The following POFUT3 variants were observed in gnomAD, a reference collection of about 807,000 sequenced individuals.
The protein encoded by POFUT3 is protein O-fucosyltransferase 3.
At chr8:33,389,709 A>C in the POFUT3 span, 17 of 1,614,134 alleles carry the variant, frequency 1.1e-5, no homozygotes, top group Admixed American at 1.0e-4. Flanking sequence ...AAGAGCTTAT[A>C]ATTGTTTTTC....
chr8:33,464,739 C>T, the POFUT3 span, among the ~76,000 whole-genome samples: 1 of 152,060 alleles, frequency 6.6e-6, no homozygotes. Context: ...GTGATTGTGC[C>T]ACTGCACTTA....
the POFUT3 span, among the ~76,000 whole-genome samples, chr8:33,395,064 C>A: frequency 1.3e-5 from 2 of 152,172 alleles, no homozygotes; most frequent in Admixed American, 6.5e-5. Flanking sequence ...CCCTGGACAA[C>A]TGGCTTGCAA....
the POFUT3 span, among the ~76,000 whole-genome samples, chr8:33,330,568 G>A: frequency 1.3e-5 from 2 of 152,150 alleles, no homozygotes; most frequent in Non-Finnish European, 2.9e-5. Flanking sequence ...TTAAATGCTT[G>A]TTGGCCTGAT....
chr8:33,388,394 T>C, the POFUT3 span, among the ~76,000 whole-genome samples: 1 of 147,486 alleles, frequency 6.8e-6, no homozygotes, highest in Non-Finnish European at 1.5e-5. Context: ...TGTAGTATTG[T>C]GGCATGATCT....
the POFUT3 span, among the ~76,000 whole-genome samples, chr8:33,376,240 A>G: frequency 6.6e-6 from 1 of 152,188 alleles, no homozygotes; most frequent in East Asian, 1.9e-4. Context: ...CTTAATGGGA[A>G]GACAATCCAT....
the POFUT3 span, among the ~76,000 whole-genome samples, chr8:33,420,435 C>T: frequency 2.0e-5 from 3 of 152,198 alleles, no homozygotes; most frequent in Middle Eastern, 6.8e-3. Context: ...TAATTAAACA[C>T]GAATGAGAAG....
the POFUT3 span, among the ~76,000 whole-genome samples, chr8:33,450,738 T>C: frequency 6.6e-6 from 1 of 152,152 alleles, no homozygotes; most frequent in Non-Finnish European, 1.5e-5. Context: ...ATCTGAGGTA[T>C]AGAAGGTCAA....
chr8:33,389,446 A>G, the POFUT3 span: 6 of 1,614,096 alleles, frequency 3.7e-6, no homozygotes, highest in Middle Eastern at 1.6e-4. Flanking sequence ...AACATTCACC[A>G]TAGGAATCGA....
the POFUT3 span, among the ~76,000 whole-genome samples, chr8:33,312,032 C>T: frequency 3.3e-5 from 5 of 152,028 alleles, no homozygotes; most frequent in Admixed American, 6.6e-5. Context: ...GAGGCCAAAG[C>T]GGGCAGATCA....
At chr8:33,419,361 T>A in the POFUT3 span, among the ~76,000 whole-genome samples, 2 of 152,198 alleles carry the variant, frequency 1.3e-5, no homozygotes, top group East Asian at 3.8e-4. Flanking sequence ...GGATTGGTTT[T>A]AAGATAAAAC....
At chr8:33,437,198 T>A in the POFUT3 span, among the ~76,000 whole-genome samples, 3 of 152,234 alleles carry the variant, frequency 2.0e-5, no homozygotes, top group East Asian at 5.8e-4. Flanking sequence ...ATGTCTTTGC[T>A]CTTGTGAACA....
chr8:33,377,415 G>C, the POFUT3 span: 3 of 152,036 alleles, frequency 2.0e-5, no homozygotes, highest in Non-Finnish European at 4.4e-5. Context: ...CATGATACTC[G>C]AGTCACCAGT....
At chr8:33,356,863 G>C in the POFUT3 span, among the ~76,000 whole-genome samples, 2 of 152,082 alleles carry the variant, frequency 1.3e-5, no homozygotes, top group Admixed American at 1.3e-4. Flanking sequence ...GTGTAAGGAA[G>C]GGATCCAGTT....
chr8:33,467,379 A>AAATTC, the POFUT3 span, among the ~76,000 whole-genome samples: 2 of 152,106 alleles, frequency 1.3e-5, no homozygotes, highest in Non-Finnish European at 2.9e-5. Flanking sequence ...CCAGACACAT[A>AAATTC]CTGAAGCACT....
chr8:33,311,159 C>A, the POFUT3 span, among the ~76,000 whole-genome samples: 1 of 152,172 alleles, frequency 6.6e-6, no homozygotes, highest in Non-Finnish European at 1.5e-5. Context: ...ATCCTCAATA[C>A]CTTCAGGGTA....
chr8:33,448,609 G>A, the POFUT3 span, among the ~76,000 whole-genome samples: 2 of 151,986 alleles, frequency 1.3e-5, no homozygotes, highest in African/African-American at 4.8e-5. Flanking sequence ...GTAGACTCTC[G>A]GGTTTAGAAT....
chr8:33,452,280 T>C, the POFUT3 span: 1 of 152,282 alleles, frequency 6.6e-6, no homozygotes, highest in East Asian at 1.9e-4. Context: ...ATCTGTAACT[T>C]AGTTTTGAGG....
chr8:33,339,776 A>T, the POFUT3 span, among the ~76,000 whole-genome samples: 1 of 152,204 alleles, frequency 6.6e-6, no homozygotes, highest in Non-Finnish European at 1.5e-5. Flanking sequence ...TGATATTTTC[A>T]AATGCTGAAA....
the POFUT3 span, among the ~76,000 whole-genome samples, chr8:33,360,687 G>A: frequency 6.6e-6 from 1 of 152,068 alleles, no homozygotes; most frequent in Admixed American, 6.6e-5. Flanking sequence ...TAAATTATAA[G>A]GTCCCTCTAC....
Sources: allele counts gnomAD v4.1 joint callset (sites outside exome capture counted in the v4.1 genomes callset), GRCh38; gene constraint gnomAD v4.1.1; transcripts MANE v1.5; gene names NCBI Gene and HGNC (gene_info 2026-07-23, HGNC 2026-07-21).